The following IDO2 variants were observed in gnomAD, a reference collection of about 807,000 sequenced individuals.
IDO2 encodes the protein indoleamine 2,3-dioxygenase-like 1 protein.
Under a neutral mutation model 45.1 loss-of-function variants are expected in IDO2, and 46 were observed. The ratio of observed to expected loss-of-function variants is 1.02; its 90% CI spans 0.80 to 1.30. IDO2 has a LOEUF of 1.30. Among genes scored for constraint, IDO2 ranks in the 50% most tolerant of loss-of-function variants. IDO2 has a pLI of 0.00. For missense variants in IDO2, 544 were observed against 491.8 expected (o/e 1.11, Z -1.00); for synonymous variants, 218 against 184.9 (o/e 1.18, Z -1.45).
intron 3 of IDO2, among the ~76,000 whole-genome samples, chr8:39,964,731 G>A (rs1384905753): frequency 6.6e-6 from 1 of 152,156 alleles, no homozygotes. Context: ...AAAATGTTGT[G>A]TTGACATGAC....
At chr8:39,940,921 A>C (rs1349929807) in intron 1 of IDO2, among the ~76,000 whole-genome samples, 1 of 137,532 alleles carries the variant, frequency 7.3e-6, no homozygotes, top group African/African-American at 2.7e-5. Flanking sequence ...CCAAATACAA[A>C]TAAAATTGAA....
intron 2 of IDO2, among the ~76,000 whole-genome samples, chr8:39,953,078 A>G (rs1473019226): frequency 6.6e-6 from 1 of 151,732 alleles, no homozygotes; most frequent in Non-Finnish European, 1.5e-5. Flanking sequence ...TAATTTTTGT[A>G]TTTTTAGTAG....
chr8:39,963,009 A>G (rs1372455871), intron 2 of IDO2, among the ~76,000 whole-genome samples: 1 of 152,248 alleles, frequency 6.6e-6, no homozygotes, highest in Non-Finnish European at 1.5e-5. Context: ...CTGGCCTTTC[A>G]GCCTTTAGAC....
intron 1 of IDO2, among the ~76,000 whole-genome samples, chr8:39,937,074 A>G (rs999335387): frequency 6.6e-6 from 1 of 152,254 alleles, no homozygotes; most frequent in Non-Finnish European, 1.5e-5. Context: ...ATGATTGCAC[A>G]GCTACAACTT....
intron 7 of IDO2, 31 bp from the exon 8 acceptor site, chr8:39,989,690 A>G (rs371052303): frequency 5.9e-5 from 85 of 1,435,436 alleles, no homozygotes; most frequent in East Asian, 9.8e-5. Context: ...AGGGAGTGCT[A>G]ATAAGTTGTG....
intron 9 of IDO2, among the ~76,000 whole-genome samples, chr8:40,009,459 AT>A (rs932000090): frequency 8.0e-5 from 12 of 149,644 alleles, no homozygotes; most frequent in South Asian, 2.1e-4. Flanking sequence ...AAATGATCTC[AT>A]TTTTTTTTCC....
chr8:40,015,300 A>G, exon 11 of IDO2: 1 of 1,613,748 alleles, frequency 6.2e-7, no homozygotes. Flanking sequence ...TAAGGCCTTC[A>G]TAGAAGACAT....
intron 9 of IDO2, among the ~76,000 whole-genome samples, chr8:40,006,742 C>G: frequency 6.6e-6 from 1 of 151,996 alleles, no homozygotes; most frequent in Non-Finnish European, 1.5e-5. Context: ...CTCACGGCAA[C>G]CTCTGCCTCC....
intron 8 of IDO2, chr8:39,995,288 CTTTTT>C (rs1229397679): frequency 3.3e-5 from 4 of 120,578 alleles, no homozygotes; most frequent in African/African-American, 1.2e-4. Flanking sequence ...TCTTCTTCTT[CTTTTT>C]TTTTTGAGAT....
intron 6 of IDO2, chr8:39,986,865 C>CATTATTATTATTATTATTATTATTATT (rs55702421): frequency 2.8e-5 from 4 of 144,082 alleles, no homozygotes; most frequent in East Asian, 4.1e-4. Context: ...CACAATATCT[C>CATTATTATTATTATTATTATTATTATT]ATTATTATTA....
At chr8:40,015,684 G>A in exon 11 of IDO2, 2 of 962,080 alleles carry the variant, frequency 2.1e-6, no homozygotes, top group Middle Eastern at 3.4e-4. Flanking sequence ...TTCTGCCTGG[G>A]ATCATCCAGG....
exon 1 of IDO2, chr8:39,934,889 G>T: frequency 2.0e-6 from 1 of 505,478 alleles, no homozygotes; most frequent in South Asian, 2.3e-5. Context: ...TTGGAAATCT[G>T]CCTGGTAAGG....
At chr8:39,974,504 C>G (rs1262827667) in intron 3 of IDO2, among the ~76,000 whole-genome samples, 3 of 152,104 alleles carry the variant, frequency 2.0e-5, no homozygotes, top group Non-Finnish European at 2.9e-5. Flanking sequence ...TTTCTAGGGC[C>G]CGGCACGGTG....
chr8:39,996,705 G>C (rs577215919), intron 8 of IDO2, among the ~76,000 whole-genome samples: 1 of 152,068 alleles, frequency 6.6e-6, no homozygotes, highest in African/African-American at 2.4e-5. Context: ...ATGAGCCACC[G>C]CATCCAGCCA....
intron 1 of IDO2, among the ~76,000 whole-genome samples, chr8:39,935,455 G>C (rs1317914940): frequency 6.7e-6 from 1 of 149,084 alleles, no homozygotes; most frequent in Non-Finnish European, 1.5e-5. Flanking sequence ...TGTTGTTGTT[G>C]TTGTTGTTGT....
At chr8:40,016,381 T>C (rs879933661) in exon 11 of IDO2, 35 of 385,198 alleles carry the variant, frequency 9.1e-5, no homozygotes, top group Admixed American at 3.2e-4. Flanking sequence ...TAAATGTAAA[T>C]GCTTTTATTG....
At chr8:40,000,386 G>A (rs1802117242) in intron 8 of IDO2, among the ~76,000 whole-genome samples, 1 of 151,266 alleles carries the variant, frequency 6.6e-6, no homozygotes, top group African/African-American at 2.4e-5. Context: ...CTCCAGTGTG[G>A]CAACAGAGTG....
At chr8:40,001,833 C>A (rs1313463961) in intron 8 of IDO2, among the ~76,000 whole-genome samples, 43 of 152,060 alleles carry the variant, frequency 2.8e-4, no homozygotes, top group Admixed American at 2.8e-3. Context: ...GTTGTCCAGG[C>A]TGGAGTGCAG....
chr8:39,972,874 A>C (rs1447013503), intron 3 of IDO2, among the ~76,000 whole-genome samples: 3 of 152,204 alleles, frequency 2.0e-5, no homozygotes, highest in Non-Finnish European at 4.4e-5. Context: ...TTAGCAATAA[A>C]GTACTTTATA....
Sources: gnomAD v4.1 joint callset for allele counts (sites outside exome capture counted in the v4.1 genomes callset) on GRCh38, gnomAD v4.1.1 for gene constraint, MANE v1.5 for transcripts, NCBI Gene and HGNC (gene_info 2026-07-23, HGNC 2026-07-21) for gene names.